TRAPPC9: variants seen among roughly 807,000 people sequenced by gnomAD.
The protein encoded by TRAPPC9 is IKK2 binding protein.
A neutral mutation model predicts 124.0 loss-of-function variants in TRAPPC9; 83 were observed. That is an observed-to-expected ratio of 0.67 (90% CI 0.56 to 0.80). TRAPPC9 has a LOEUF of 0.80. TRAPPC9 is among the 30% of genes least tolerant of loss of function. The pLI is 0.00. For synonymous variants in TRAPPC9, 638 were observed against 617.5 expected, an observed-to-expected ratio of 1.03 and a Z score of -0.49; for missense variants, 1,302 against 1,508.3, an observed-to-expected ratio of 0.86 and a Z score of 2.27.
intron 12 of TRAPPC9, among the ~76,000 whole-genome samples, chr8:140,288,308 C>G (rs941146309): frequency 2.6e-5 from 4 of 152,184 alleles, no homozygotes; most frequent in Non-Finnish European, 5.9e-5. Flanking sequence ...TGCACTCCAG[C>G]GTGGGGGACA....
chr8:140,421,912 T>C (rs1285620857), intron 5 of TRAPPC9, among the ~76,000 whole-genome samples: 3 of 139,952 alleles, frequency 2.1e-5, no homozygotes, highest in Non-Finnish European at 4.5e-5. Context: ...GCAATGATTC[T>C]GCCTACATTC....
chr8:139,907,623 AT>A lies in TRAPPC9; in HGVS notation c.2964+2523del, dbSNP rs1468680788. 2.0e-5 allele frequency among the ~76,000 whole-genome samples: 3 copies of A among 151,960 alleles called. No homozygotes were observed. The highest frequency in any genetic ancestry group is 7.3e-5 in the African/African-American group (3 of 41,348). ...CTTAATGTTAACTCTCTTTCACTAA[AT>A]TTGCCTATAGGGACAATCAAGCTCT... is the stretch of plus-strand genomic sequence containing the variant. On this transcript the variant is annotated intron_variant, in intron 20 of 22. Transcript: ENST00000438773. This position sits in a 1 kb window ranked among gnomAD's most constrained non-coding sequence, Gnocchi z 4.7.
chr8:139,765,514 A>C (rs1820524075), intron 21 of TRAPPC9, among the ~76,000 whole-genome samples: 1 of 152,200 alleles, frequency 6.6e-6, no homozygotes, highest in African/African-American at 2.4e-5. Context: ...AGATGAGGGC[A>C]AGAGGATTAG....
At chr8:139,787,233 T>G (rs1822322876) in intron 21 of TRAPPC9, among the ~76,000 whole-genome samples, 2 of 151,894 alleles carry the variant, frequency 1.3e-5, no homozygotes, top group Non-Finnish European at 2.9e-5. Context: ...CTGCTTGATT[T>G]GAATTTGAGG....
At chr8:140,033,685 T>TTTTTTTG (rs1563706955) in intron 17 of TRAPPC9, among the ~76,000 whole-genome samples, 4 of 117,350 alleles carry the variant, frequency 3.4e-5, no homozygotes, top group Non-Finnish European at 6.8e-5. Flanking sequence ...TTTTTTTTTT[T>TTTTTTTG]TTTTTTTTTT....
At chr8:139,737,616 G>A (rs1818287515) in intron 21 of TRAPPC9, among the ~76,000 whole-genome samples, 1 of 152,206 alleles carries the variant, frequency 6.6e-6, no homozygotes, top group Admixed American at 6.5e-5. Context: ...GGCAGGACTG[G>A]CTCCTCCTTC....
In TRAPPC9 at chr8:140,241,525, T is replaced by A. The variant is rs2063855547; in HGVS notation, c.2431+11252A>T. On this transcript the variant is annotated intron_variant, in intron 16 of 22. Coordinates refer to ENST00000438773, the MANE Select transcript of TRAPPC9 (RefSeq NM_001160372.4). This position sits in a 1 kb window ranked among gnomAD's most constrained non-coding sequence, Gnocchi z 5.0. ...TCCTGGCCAACATGGTGAAACCCTG[T>A]CTCTACTAAAAATACAAAAATTAGC... Among the ~76,000 whole-genome samples, 4 of 151,928 alleles carry A rather than the reference T, an allele frequency of 2.6e-5. No homozygotes were observed. The highest frequency in any genetic ancestry group is 5.9e-5 in the Non-Finnish European group (4 of 67,984).
chr8:140,187,284 G>C (rs2062373685), intron 17 of TRAPPC9, among the ~76,000 whole-genome samples: 1 of 152,132 alleles, frequency 6.6e-6, no homozygotes, highest in Non-Finnish European at 1.5e-5. Flanking sequence ...GTATACGCGG[G>C]GGCCTTGGAG....
intron 21 of TRAPPC9, among the ~76,000 whole-genome samples, chr8:139,752,565 C>T (rs946540376): frequency 6.7e-6 from 1 of 149,252 alleles, no homozygotes; most frequent in African/African-American, 2.5e-5. Context: ...CCACCATGTA[C>T]CCACCATCAA....
At chr8:139,962,688 TGGACTTTCACAGCA>T (rs1181764787) in intron 19 of TRAPPC9, among the ~76,000 whole-genome samples, 1 of 124,292 alleles carries the variant, frequency 8.0e-6, no homozygotes, top group Non-Finnish European at 1.9e-5. Context: ...GGAGGACACA[TGGACTTTCACAGCA>T]GGACCCAAAG....
intron 19 of TRAPPC9, among the ~76,000 whole-genome samples, chr8:139,979,749 A>G (rs570234159): frequency 2.6e-4 from 39 of 152,200 alleles, no homozygotes; most frequent in Non-Finnish European, 4.3e-4. Context: ...AGGCTGGGGA[A>G]CCAAGAGACC....
intron 17 of TRAPPC9, among the ~76,000 whole-genome samples, chr8:140,179,312 T>G (rs2062147554): frequency 6.6e-6 from 1 of 152,138 alleles, no homozygotes; most frequent in Non-Finnish European, 1.5e-5. Context: ...CAAATTACCC[T>G]GTGATTTCTT....
At chr8:139,829,852 G>A (rs1825859770) in intron 21 of TRAPPC9, among the ~76,000 whole-genome samples, 1 of 152,196 alleles carries the variant, frequency 6.6e-6, no homozygotes, top group Admixed American at 6.5e-5. Flanking sequence ...GGCTCACAGA[G>A]GTCAATGGCT....
chr8:140,190,679 G>C (rs746117718), intron 17 of TRAPPC9, among the ~76,000 whole-genome samples: 1 of 152,166 alleles, frequency 6.6e-6, no homozygotes. Context: ...AAAGCTGTGC[G>C]GAAGAACAAA....
At chr8:140,166,739 ACACC>A (rs1294794821) in intron 17 of TRAPPC9, among the ~76,000 whole-genome samples, 1 of 152,202 alleles carries the variant, frequency 6.6e-6, no homozygotes, top group Non-Finnish European at 1.5e-5. Flanking sequence ...TGGTTTCTAG[ACACC>A]TGCACCTAGA....
chr8:140,060,715 G>A (rs1005717101), intron 17 of TRAPPC9, among the ~76,000 whole-genome samples: 1 of 152,128 alleles, frequency 6.6e-6, no homozygotes, highest in Non-Finnish European at 1.5e-5. Context: ...TTTATTTCTG[G>A]GGGGAGGAAG....
intron 9 of TRAPPC9, among the ~76,000 whole-genome samples, chr8:140,313,004 C>A (rs2066341098): frequency 6.6e-6 from 1 of 152,192 alleles, no homozygotes; most frequent in Non-Finnish European, 1.5e-5. Context: ...AAGTGATCCC[C>A]CCACCTTGGC....
At position 140,139,722 on chromosome 8, in the gene TRAPPC9, T is replaced by A. The variant is rs148073047; in HGVS notation, c.2556+81737A>T. Among the ~76,000 whole-genome samples, 475 of 152,016 alleles carry A rather than the reference T, an allele frequency of 3.1e-3. 2 individuals are homozygous for A. Among genetic ancestry groups the A allele is most frequent in the African/African-American group, 0.011 (457 of 41,456 alleles). On this transcript the variant is annotated intron_variant, in intron 17 of 22. Transcript: ENST00000438773. ...TCAAAACAGGCAAAATAACCTATGG[T>A]ATTAGGTTTGGGACAGCTGCTACCC... is the stretch of plus-strand genomic sequence containing the variant.
chr8:139,971,458 C>A (rs1258813719), intron 19 of TRAPPC9, among the ~76,000 whole-genome samples: 3 of 152,164 alleles, frequency 2.0e-5, no homozygotes, highest in Admixed American at 6.5e-5. Flanking sequence ...CCCCTGAAGG[C>A]CTCTTCCACC....
Sources: allele counts gnomAD v4.1 joint callset (sites outside exome capture counted in the v4.1 genomes callset), GRCh38; gene constraint gnomAD v4.1.1; non-coding constraint Gnocchi (gnomAD v3.1); transcripts MANE v1.5; gene names NCBI Gene and HGNC (gene_info 2026-07-23, HGNC 2026-07-21).